NFIB: variants seen among roughly 807,000 people sequenced by gnomAD.
The protein encoded by NFIB is nuclear factor 1 B-type.
A neutral mutation model predicts 61.5 loss-of-function variants in NFIB; 11 were observed. The observed-to-expected ratio is 0.18, with a 90% CI of 0.11 to 0.30. NFIB has a LOEUF of 0.30. NFIB is among the 10% of genes least tolerant of loss of function. NFIB has a pLI of 1.00. For synonymous variants in NFIB, 260 were observed against 216.5 expected (o/e 1.20, Z -1.76); for missense variants, 471 against 608.9 (o/e 0.77, Z 2.38).
chr9:14,167,182 G>T (rs574114478), intron 3 of NFIB, among the ~76,000 whole-genome samples: 1 of 151,856 alleles, frequency 6.6e-6, no homozygotes, highest in East Asian at 2.0e-4. Flanking sequence ...GAGGGTAGAC[G>T]AAACCTTTGG....
the NFIB span, among the ~76,000 whole-genome samples, chr9:14,489,788 T>C: frequency 1.3e-5 from 2 of 152,016 alleles, no homozygotes; most frequent in Admixed American, 6.6e-5. Context: ...ACATATATTA[T>C]TTTATACATA....
At chr9:14,238,254 C>T (rs567484897) in intron 2 of NFIB, among the ~76,000 whole-genome samples, 3 of 152,018 alleles carry the variant, frequency 2.0e-5, no homozygotes, top group Non-Finnish European at 4.4e-5. Context: ...AGTATTGCTG[C>T]TACTGAAAGG....
chr9:14,214,651 A>C (rs984067783), intron 2 of NFIB, among the ~76,000 whole-genome samples: 9 of 152,224 alleles, frequency 5.9e-5, no homozygotes, highest in Non-Finnish European at 1.2e-4. Flanking sequence ...TTTTAAACAC[A>C]TGATGCTAAT....
At chr9:14,516,027 A>G in the NFIB span, among the ~76,000 whole-genome samples, 1 of 152,250 alleles carries the variant, frequency 6.6e-6, no homozygotes, top group Non-Finnish European at 1.5e-5. Context: ...GGAGAAGCCA[A>G]AGCCATTGGC....
intron 1 of NFIB, among the ~76,000 whole-genome samples, chr9:14,355,821 G>T (rs1252957859): frequency 6.6e-6 from 1 of 152,188 alleles, no homozygotes; most frequent in African/African-American, 2.4e-5. Flanking sequence ...GCCAGTCGTG[G>T]TGGCGGGTGC....
chr9:14,140,284 C>A (rs1337682927), intron 6 of NFIB, among the ~76,000 whole-genome samples: 3 of 152,158 alleles, frequency 2.0e-5, no homozygotes, highest in Non-Finnish European at 4.4e-5. Context: ...ATTCAACCAT[C>A]TATGACAGCT....
the NFIB span, among the ~76,000 whole-genome samples, chr9:14,420,445 C>CAAAAAAAAAAAA: frequency 2.0e-3 from 83 of 42,426 alleles, 8 homozygotes; most frequent in African/African-American, 7.1e-3. Flanking sequence ...GACTCCGTCT[C>CAAAAAAAAAAAA]AAAAAAAAAA....
At chr9:14,103,972 T>C (rs1227951082) in intron 10 of NFIB, among the ~76,000 whole-genome samples, 1 of 151,910 alleles carries the variant, frequency 6.6e-6, no homozygotes, top group East Asian at 1.9e-4. Context: ...GGCTGGAATG[T>C]AGTGGCACCA....
intron 2 of NFIB, among the ~76,000 whole-genome samples, chr9:14,262,117 G>A (rs543711359): frequency 6.6e-6 from 1 of 151,994 alleles, no homozygotes; most frequent in Non-Finnish European, 1.5e-5. Context: ...GCACTGCACC[G>A]GCCCTCACCA....
At chr9:14,347,236 G>T (rs927520) in intron 1 of NFIB, 49,851 of 151,996 alleles carry the variant, frequency 0.33, 8,469 homozygotes, top group Middle Eastern at 0.52. Context: ...CGAAAGCGAG[G>T]TGGGGGAGGA....
chr9:14,112,902 G>A (rs1225913353), intron 10 of NFIB, 97 bp downstream of exon 10: 18 of 1,138,364 alleles, frequency 1.6e-5, no homozygotes, highest in African/African-American at 4.7e-5. Context: ...CAGAAGCCCC[G>A]GGAGCCCCCT....
chr9:14,313,518 G>T lies in NFIB; in HGVS notation c.-7C>A. ...AGATGGGAGAATACATCATGACTTC[G>T]CCTTAAAACGCACTTTCCGGGAGAT... On this transcript the variant is annotated 5_prime_UTR_variant, in exon 1 of 11. Transcript: ENST00000380953. The surrounding 1 kb of genome is among the most constrained non-coding windows in gnomAD (Gnocchi z 4.5). The T allele has an allele frequency of 3.7e-6, 6 of 1,613,798 alleles. No homozygotes were observed. The highest frequency in any genetic ancestry group is 5.1e-6 in the Non-Finnish European group (6 of 1,179,890).
At chr9:14,428,636 G>A in the NFIB span, among the ~76,000 whole-genome samples, 1 of 152,180 alleles carries the variant, frequency 6.6e-6, no homozygotes, top group Admixed American at 6.5e-5. Context: ...GATTTATGTG[G>A]CTTCATTAAT....
At chr9:14,446,560 A>T in the NFIB span, among the ~76,000 whole-genome samples, 1 of 152,128 alleles carries the variant, frequency 6.6e-6, no homozygotes, top group Non-Finnish European at 1.5e-5. Context: ...CCTGTAAAAC[A>T]TCTACTTTTG....
At chr9:14,448,354 T>C in the NFIB span, among the ~76,000 whole-genome samples, 1 of 152,336 alleles carries the variant, frequency 6.6e-6, no homozygotes, top group East Asian at 1.9e-4. Flanking sequence ...GGCATAATTA[T>C]TGGCTGAAAT....
the NFIB span, among the ~76,000 whole-genome samples, chr9:14,467,205 C>A: frequency 6.6e-6 from 1 of 152,160 alleles, no homozygotes; most frequent in Non-Finnish European, 1.5e-5. Flanking sequence ...GCACCACAGG[C>A]TGTCCTGATG....
rs2033085351 is a variant in NFIB, at chr9:14,087,749, T to A, written c.*560A>T. On this transcript the variant is annotated 3_prime_UTR_variant, in exon 11 of 11. Coordinates refer to ENST00000380953, the MANE Select transcript of NFIB (RefSeq NM_001190737.2). ...TCAGAGTGCTTATAAAATGGCTGGC[T>A]CATGGCTCTGTCACCCAGCACCTCT... 2.3e-5 allele frequency: 5 copies of A among 219,792 alleles called. No homozygotes were observed. In the Admixed American group the frequency reaches 2.9e-4, roughly 13 times the overall value. 13.6% of individuals were successfully genotyped at this position (219,792 alleles called of 1,614,324 possible).
chr9:14,428,024 A>G, the NFIB span, among the ~76,000 whole-genome samples: 1 of 131,314 alleles, frequency 7.6e-6, no homozygotes. Flanking sequence ...GGCTCACTGC[A>G]GCCTCGACCT....
chr9:14,366,978 A>G (rs1474257634), intron 1 of NFIB, among the ~76,000 whole-genome samples: 1 of 152,084 alleles, frequency 6.6e-6, no homozygotes, highest in Non-Finnish European at 1.5e-5. Context: ...AATCAACAAG[A>G]GTTTTGGCTG....
Sources: allele counts gnomAD v4.1 joint callset (sites outside exome capture counted in the v4.1 genomes callset), GRCh38; gene constraint gnomAD v4.1.1; non-coding constraint Gnocchi (gnomAD v3.1); transcripts MANE v1.5; gene names NCBI Gene and HGNC (gene_info 2026-07-23, HGNC 2026-07-21).